The following PRIM2 variants were observed in gnomAD, a reference collection of about 807,000 sequenced individuals.
PRIM2 encodes the protein DNA primase large subunit.
PRIM2 carries 39 observed loss-of-function variants against 67.3 expected under a neutral mutation model. That is an observed-to-expected ratio of 0.58 (90% confidence interval 0.45 to 0.76). The LOEUF (loss-of-function observed/expected upper bound fraction) is 0.76. PRIM2 is among the 30% of genes least tolerant of loss of function. PRIM2 has a pLI of 0.00. For missense variants in PRIM2, 398 were observed against 598.7 expected (o/e 0.66, Z 3.50); for synonymous variants, 143 against 198.7 (o/e 0.72, Z 2.36).
chr6:57,562,435 C>T (rs1477632792), intron 10 of PRIM2, among the ~76,000 whole-genome samples: 1 of 152,134 alleles, frequency 6.6e-6, no homozygotes, highest in Non-Finnish European at 1.5e-5. Flanking sequence ...CCAGGAAACA[C>T]CTTAGTTCTT....
chr6:57,241,713 AGTCTTGCTGAGTGCAGTGGCAC>A, the PRIM2 span, among the ~76,000 whole-genome samples: 1 of 111,710 alleles, frequency 9.0e-6, no homozygotes, highest in Non-Finnish European at 1.7e-5. Flanking sequence ...TTTGAGATGG[AGTCTTGCTGAGTGCAGTGGCAC>A]GATCTCGGCT....
intron 5 of PRIM2, among the ~76,000 whole-genome samples, chr6:57,344,243 G>C (rs1768596107): frequency 6.6e-6 from 1 of 151,752 alleles, no homozygotes; most frequent in East Asian, 1.9e-4. Flanking sequence ...TTAATGTCTA[G>C]AGAAAATACT....
chr6:57,400,594 C>T (rs80214771), intron 7 of PRIM2, among the ~76,000 whole-genome samples: 2,096 of 152,128 alleles, frequency 0.014, 45 homozygotes, highest in African/African-American at 0.047. Flanking sequence ...GATCTTCTTA[C>T]GTAGAATCTT....
intron 7 of PRIM2, among the ~76,000 whole-genome samples, chr6:57,383,966 T>C (rs1160759881): frequency 6.6e-6 from 1 of 152,234 alleles, no homozygotes; most frequent in Non-Finnish European, 1.5e-5. Context: ...GGTAACAGCC[T>C]ATGCTACATT....
the PRIM2 span, among the ~76,000 whole-genome samples, chr6:57,228,026 C>T: frequency 6.6e-6 from 1 of 152,160 alleles, no homozygotes; most frequent in Non-Finnish European, 1.5e-5. Flanking sequence ...AGGACTAATT[C>T]TTAATTTTTT....
chr6:57,627,906 A>T (rs1275914001), intron 12 of PRIM2, among the ~76,000 whole-genome samples: 1 of 152,210 alleles, frequency 6.6e-6, no homozygotes, highest in Non-Finnish European at 1.5e-5. Flanking sequence ...AAAATGTTTG[A>T]TATTTTTCTA....
chr6:57,368,723 G>T (rs1184631959), intron 5 of PRIM2, among the ~76,000 whole-genome samples: 1 of 152,158 alleles, frequency 6.6e-6, no homozygotes, highest in African/African-American at 2.4e-5. Context: ...ACATATATTG[G>T]AAGTATGTGC....
intron 12 of PRIM2, among the ~76,000 whole-genome samples, chr6:57,619,776 A>G (rs1776819304): frequency 6.6e-6 from 1 of 152,242 alleles, no homozygotes; most frequent in African/African-American, 2.4e-5. Flanking sequence ...ATTATGTTAA[A>G]CTACCAAACC....
At chr6:57,385,936 C>CTTTT (rs201876520) in intron 7 of PRIM2, among the ~76,000 whole-genome samples, 1 of 141,192 alleles carries the variant, frequency 7.1e-6, no homozygotes, top group South Asian at 2.2e-4. Flanking sequence ...CTTTTGTTTT[C>CTTTT]TTTTTTTTTT....
intron 7 of PRIM2, among the ~76,000 whole-genome samples, chr6:57,456,684 C>T (rs1056518112): frequency 0.11 from 16,085 of 151,886 alleles, 935 homozygotes; most frequent in East Asian, 0.2. Flanking sequence ...GTTAGCCATT[C>T]GTCTAGTTTT....
the PRIM2 span, among the ~76,000 whole-genome samples, chr6:57,289,894 C>G: frequency 2.6e-5 from 4 of 152,134 alleles, no homozygotes; most frequent in African/African-American, 9.7e-5. Context: ...GAAACTGCAT[C>G]AATTAACGGG....
At chr6:57,514,765 G>A (rs1774446788) in intron 8 of PRIM2, among the ~76,000 whole-genome samples, 3 of 152,084 alleles carry the variant, frequency 2.0e-5, no homozygotes, top group African/African-American at 7.2e-5. Context: ...AATTGGTACT[G>A]ATTATGTACA....
intron 9 of PRIM2, among the ~76,000 whole-genome samples, chr6:57,534,733 T>C (rs1308985816): frequency 1.3e-5 from 2 of 152,242 alleles, no homozygotes; most frequent in African/African-American, 2.4e-5. Context: ...ATTTCTATTT[T>C]ATCTTCTGCT....
At chr6:57,609,802 C>T (rs1370944890) in intron 12 of PRIM2, among the ~76,000 whole-genome samples, 20 of 152,220 alleles carry the variant, frequency 1.3e-4, no homozygotes, top group African/African-American at 4.8e-4. Context: ...GAGTGGATCT[C>T]ACTAGAGTGA....
intron 7 of PRIM2, among the ~76,000 whole-genome samples, chr6:57,437,213 A>G (rs1447867663): frequency 1.3e-5 from 2 of 152,208 alleles, no homozygotes; most frequent in Non-Finnish European, 2.9e-5. Flanking sequence ...GAGCAGCGCC[A>G]AGGGCATTGT....
Position 57,408,262 on chromosome 6 carries a change from G to C in PRIM2, c.693+26094G>C, listed in dbSNP as rs1368477568. On this transcript the variant is annotated intron_variant, in intron 7 of 13. Transcript: ENST00000615550. Reference sequence around the variant, plus strand: ...TTAATAGGCAAGACAGAAGGGAGAAGAAAGAAGCAAGAAGCGCCCCTTTAC... The same window carrying C: ...TTAATAGGCAAGACAGAAGGGAGAACAAAGAAGCAAGAAGCGCCCCTTTAC... Among the ~76,000 whole-genome samples the C allele has an allele frequency of 3.9e-5, 6 of 152,298 alleles. No individual in the cohort carries two copies. In the East Asian group the frequency reaches 7.7e-4, roughly 20 times the overall value.
intron 5 of PRIM2, 58 bp downstream of exon 5, chr6:57,326,103 T>C: frequency 6.3e-7 from 1 of 1,585,790 alleles, no homozygotes; most frequent in Non-Finnish European, 8.6e-7. Flanking sequence ...TTCCCTTCTG[T>C]CTTAAGTGCT....
intron 8 of PRIM2, among the ~76,000 whole-genome samples, chr6:57,530,513 CAGAT>C (rs1184195067): frequency 2.0e-5 from 3 of 152,094 alleles, no homozygotes; most frequent in Non-Finnish European, 4.4e-5. Context: ...TGCTTTTAGG[CAGAT>C]AGAGGGAGGG....
intron 10 of PRIM2, among the ~76,000 whole-genome samples, chr6:57,568,725 G>A (rs1581995120): frequency 6.6e-6 from 1 of 152,198 alleles, no homozygotes; most frequent in East Asian, 1.9e-4. Flanking sequence ...GAAGATTGGA[G>A]AGCTATCTAA....
Sources: gnomAD v4.1 joint callset for allele counts (sites outside exome capture counted in the v4.1 genomes callset) on GRCh38, gnomAD v4.1.1 for gene constraint, MANE v1.5 for transcripts, NCBI Gene and HGNC (gene_info 2026-07-23, HGNC 2026-07-21) for gene names.